Variants in SNX21 observed in about 807,000 individuals in gnomAD.
SNX21 encodes the protein sorting nexin-21.
In SNX21, 36 loss-of-function variants were observed where a neutral mutation model predicts 30.9. The observed-to-expected ratio is 1.16, with a 90% CI of 0.89 to 1.54. SNX21 has a LOEUF of 1.54. Ranked by LOEUF, SNX21 falls within the 40% of genes most tolerant of loss-of-function variation. The pLI, the probability that SNX21 is intolerant of heterozygous loss-of-function variation, is 0.00. For synonymous variants in SNX21, 218 were observed against 222.7 expected (o/e 0.98, Z 0.19); for missense variants, 508 against 516.5 (o/e 0.98, Z 0.16).
At chr20:45,836,657 C>T (rs551385125) in intron 3 of SNX21, among the ~76,000 whole-genome samples, 115 of 152,200 alleles carry the variant, frequency 7.6e-4, no homozygotes, top group Non-Finnish European at 7.8e-4. Context: ...TGCACCACCA[C>T]GTGTGGCCAA....
At position 45,834,407 on chromosome 20, in the gene SNX21, C is replaced by T; in HGVS notation, c.228C>T (p.Asp76=). 6.2e-7 allele frequency: 1 copy of T among 1,605,382 alleles called. No homozygotes were observed. ...ACGACGAGGACGACGAGGACGAGGACGACGAGGAGGCTGGCCCTGACCAGC... is the reference window on the plus strand; with the variant it reads ...ACGACGAGGACGACGAGGACGAGGATGACGAGGAGGCTGGCCCTGACCAGC... ...AEDDEDDEDE[D]DEEAGPDQLP... The change falls in exon 2 of 4, where the codon GAC becomes GAT. Residue 76 remains aspartate, a synonymous_variant. Coordinates refer to ENST00000491381, the MANE Select transcript of SNX21 (RefSeq NM_033421.4).
At chr20:45,840,563 G>T in intron 3 of SNX21, 76 bp from the exon 4 acceptor site, 1 of 1,613,800 alleles carries the variant, frequency 6.2e-7, no homozygotes, top group Non-Finnish European at 8.5e-7. Context: ...CTGGGAGTGT[G>T]GGGGATGGGG....
In SNX21 at chr20:45,841,148, C is replaced by T. The variant is rs1182749519; in HGVS notation, c.957C>T (p.His319=). ...AGCTGCTTGGGGACAAGAGCCTCCA[C>T]CCTTTGCTGGCACCCTTTCTGGAGG... ...ALQLLGDKSL[H]PLLAPFLEAH... is the part of the protein sequence containing the mutation. The change falls in exon 4 of 4, where the codon CAC becomes CAT. Residue 319 remains histidine, a synonymous_variant. Transcript: ENST00000491381. 2 of 1,613,462 alleles carry T rather than the reference C, an allele frequency of 1.2e-6. No individual in the cohort carries two copies. The highest frequency in any genetic ancestry group is 2.2e-5 in the East Asian group (1 of 44,880).
intron 2 of SNX21, 167 bp downstream of exon 2, chr20:45,834,635 C>T (rs1983358203): frequency 3.3e-6 from 3 of 912,066 alleles, no homozygotes; most frequent in Non-Finnish European, 4.8e-6. Context: ...AGTCTTAACC[C>T]CCCTCTGAGC....
chr20:45,834,041 C>T, intron 1 of SNX21, 101 bp downstream of exon 1: 2 of 1,413,402 alleles, frequency 1.4e-6, no homozygotes, highest in Non-Finnish European at 1.9e-6. Flanking sequence ...GAAAGCGATG[C>T]TGGCTGGGTC....
rs74176824 is a variant in SNX21, at chr20:45,836,490, C to CAAAAAAAAA, written c.447+1393_447+1401dup. ...TGGGCAACAGAGCGAGACTCCGTCT[C>CAAAAAAAAA]AAAAAAAAAAAAAAAAAAAAAAAAA... On this transcript the variant is annotated intron_variant, in intron 3 of 3. Coordinates refer to ENST00000491381, the MANE Select transcript of SNX21 (RefSeq NM_033421.4). 1.7e-3 allele frequency among the ~76,000 whole-genome samples: 88 copies of CAAAAAAAAA among 51,312 alleles called. 2 individuals are homozygous for CAAAAAAAAA. The highest frequency in any genetic ancestry group is 2.5e-3 in the Non-Finnish European group (71 of 28,430). The allele number at this position is 51,312 out of a possible 152,430, so 33.7% of individuals were successfully genotyped here. A position where few individuals can be genotyped will look rare whatever the true frequency, so the allele number is the denominator to read the frequency against.
In SNX21 at chr20:45,842,452, G is replaced by A. The variant is rs1984283586; in HGVS notation, c.*1139G>A. Reference sequence around the variant, plus strand: ...ATCGGCTCCCTGTATAATAAATCAAGCCAGGTCCTCCAAGTGGTAATTCAT... The same window carrying A: ...ATCGGCTCCCTGTATAATAAATCAAACCAGGTCCTCCAAGTGGTAATTCAT... On this transcript the variant is annotated 3_prime_UTR_variant, in exon 4 of 4. Transcript: ENST00000491381. The A allele has an allele frequency of 9.4e-7, 1 of 1,062,298 alleles. No homozygotes were observed. Among genetic ancestry groups the A allele is most frequent in the Non-Finnish European group, 1.1e-6 (1 of 879,114 alleles). The allele number at this position is 1,062,298 out of a possible 1,614,324, so 65.8% of individuals were successfully genotyped here. A position where few individuals can be genotyped will look rare whatever the true frequency, so the allele number is the denominator to read the frequency against.
chr20:45,833,851 A>T lies in SNX21; in HGVS notation c.-69A>T, dbSNP rs1983220101. On this transcript the variant is annotated 5_prime_UTR_variant, in exon 1 of 4. Coordinates refer to ENST00000491381, the MANE Select transcript of SNX21 (RefSeq NM_033421.4). The stretch of plus-strand genomic sequence containing the variant: ...CGGCCTGAGCCCGGCGGAGCCCTGC[A>T]GAACCCGGCCGACCTCCATGGGCTG... 1 of 1,287,818 alleles carries T rather than the reference A, an allele frequency of 7.8e-7. No individual in the cohort carries two copies. The highest frequency in any genetic ancestry group is 4.1e-5 in the Admixed American group (1 of 24,150). The allele number at this position is 1,287,818 out of a possible 1,614,324, so 79.8% of individuals were successfully genotyped here. A position where few individuals can be genotyped will look rare whatever the true frequency, so the allele number is the denominator to read the frequency against.
At chr20:45,838,733 G>A (rs77616177) in intron 3 of SNX21, among the ~76,000 whole-genome samples, 6,853 of 151,958 alleles carry the variant, frequency 0.045, 398 homozygotes, top group African/African-American at 0.12. Flanking sequence ...CAGCCTGGGC[G>A]ACAGGGCGAG....
At chr20:45,840,186 T>G in intron 3 of SNX21, 2 of 1,380,446 alleles carry the variant, frequency 1.4e-6, no homozygotes, top group Non-Finnish European at 1.9e-6. Flanking sequence ...TCTACAGACC[T>G]GTCCTCTGGG....
chr20:45,838,555 A>T (rs1601072657), intron 3 of SNX21, among the ~76,000 whole-genome samples: 1 of 151,468 alleles, frequency 6.6e-6, no homozygotes, highest in Non-Finnish European at 1.5e-5. Context: ...GGAGTTCAAG[A>T]CCAGCCTGGC....
chr20:45,835,776 A>C (rs1483116722), intron 3 of SNX21, among the ~76,000 whole-genome samples: 1 of 152,206 alleles, frequency 6.6e-6, no homozygotes, highest in Non-Finnish European at 1.5e-5. Flanking sequence ...GCACAGGTCA[A>C]TCAGTTCTCA....
intron 1 of SNX21, 82 bp downstream of exon 1, chr20:45,834,022 G>A: frequency 1.4e-6 from 2 of 1,425,114 alleles, no homozygotes; most frequent in Non-Finnish European, 1.8e-6. Context: ...AGGCTGAGTG[G>A]GTTGGGGGGA....
chr20:45,837,773 T>C (rs1337035272), intron 3 of SNX21, among the ~76,000 whole-genome samples: 3 of 142,282 alleles, frequency 2.1e-5, no homozygotes, highest in East Asian at 2.0e-4. Flanking sequence ...TTTCTTTATC[T>C]TTTTTTTTTT....
intron 3 of SNX21, among the ~76,000 whole-genome samples, chr20:45,835,932 T>C (rs903713670): frequency 3.3e-5 from 5 of 152,106 alleles, no homozygotes; most frequent in African/African-American, 1.2e-4. Flanking sequence ...GCTCCTTTAA[T>C]GCCCACAGCG....
intron 1 of SNX21, 58 bp downstream of exon 1, chr20:45,833,998 A>G: frequency 7.0e-7 from 1 of 1,424,674 alleles, no homozygotes; most frequent in Non-Finnish European, 9.2e-7. Flanking sequence ...CCCTCCGGGG[A>G]GGAACGCGGT....
chr20:45,840,341 T>TG, intron 3 of SNX21: 3 of 1,537,158 alleles, frequency 2.0e-6, no homozygotes, highest in Non-Finnish European at 2.6e-6. Context: ...TCAGAAGAAC[T>TG]AATGCTCTAT....
At chr20:45,834,905 T>C (rs1983383908) in intron 2 of SNX21, 54 bp from the exon 3 acceptor site, 2 of 1,576,788 alleles carry the variant, frequency 1.3e-6, no homozygotes, top group Admixed American at 1.8e-5. Flanking sequence ...ACGTCAGTGG[T>C]TGATGTCGAC....
chr20:45,835,849 A>C (rs1327448254), intron 3 of SNX21, among the ~76,000 whole-genome samples: 3 of 152,176 alleles, frequency 2.0e-5, no homozygotes, highest in Non-Finnish European at 4.4e-5. Flanking sequence ...GATGAAGAGC[A>C]ATGTTGGGGA....
Sources: gnomAD v4.1 joint callset for allele counts (sites outside exome capture counted in the v4.1 genomes callset) on GRCh38, gnomAD v4.1.1 for gene constraint, MANE v1.5 for transcripts, NCBI Gene and HGNC (gene_info 2026-07-23, HGNC 2026-07-21) for gene names.